Variants in CCDC40 observed in about 807,000 individuals in gnomAD.
CCDC40 encodes the protein coiled-coil domain-containing protein 40.
CCDC40 carries 104 observed loss-of-function variants against 124.5 expected under a neutral mutation model. The ratio of observed to expected loss-of-function variants is 0.84; its 90% CI spans 0.71 to 0.98. The LOEUF is 0.98. Ranked by LOEUF, CCDC40 falls within the 50% of genes least tolerant of loss-of-function variation. CCDC40 has a pLI of 0.00. For missense variants in CCDC40, 1,463 were observed against 1,503.9 expected (o/e 0.97, Z 0.45); for synonymous variants, 580 against 602.9 (o/e 0.96, Z 0.56).
At chr17:80,059,535 T>G (rs1598501845) in intron 9 of CCDC40, among the ~76,000 whole-genome samples, 3 of 145,640 alleles carry the variant, frequency 2.1e-5, no homozygotes, top group Non-Finnish European at 3.0e-5. Flanking sequence ...CATTCACGGG[T>G]GCGGGAATGA....
chr17:80,065,899 G>A (rs751576614), intron 10 of CCDC40, among the ~76,000 whole-genome samples: 1 of 152,210 alleles, frequency 6.6e-6, no homozygotes, highest in Non-Finnish European at 1.5e-5. Context: ...TCTTTGGGAG[G>A]TAAAGGTGTC....
intron 1 of CCDC40, among the ~76,000 whole-genome samples, chr17:80,037,719 A>ATATATATATC (rs2037155202): frequency 7.0e-6 from 1 of 143,142 alleles, no homozygotes; most frequent in Non-Finnish European, 1.5e-5. Context: ...ATATATATAT[A>ATATATATATC]TTCCTGTGCT....
chr17:80,071,388 G>A (rs1306799180), intron 10 of CCDC40, among the ~76,000 whole-genome samples: 3 of 152,234 alleles, frequency 2.0e-5, no homozygotes, highest in Middle Eastern at 6.8e-3. Flanking sequence ...CAGGCAGGCC[G>A]ACCCAAGGAC....
Position 80,038,118 on chromosome 17 carries a change from AC to A in CCDC40, c.30-3del. On this transcript the variant is annotated splice_polypyrimidine_tract_variant and splice_region_variant and intron_variant, in intron 1 of 19. Coordinates refer to ENST00000397545, the MANE Select transcript of CCDC40 (RefSeq NM_017950.4). ...GAAACTGTTCAATTGTTTCTCTAAA[AC>A]CAGGTCCCATCCGGAAGATGGATCG... is the stretch of plus-strand genomic sequence containing the variant. 6.2e-7 allele frequency: 1 copy of A among 1,604,436 alleles called. No individual in the cohort carries two copies. The highest frequency in any genetic ancestry group is 8.5e-7 in the Non-Finnish European group (1 of 1,171,784).
intron 19 of CCDC40, chr17:80,097,853 T>C (rs2038837742): frequency 4.9e-6 from 1 of 202,728 alleles, no homozygotes; most frequent in Non-Finnish European, 1.0e-5. Flanking sequence ...TGAGCCAAGG[T>C]TGTACCACTG....
At position 80,082,041 on chromosome 17, in the gene CCDC40, A is replaced by G; in HGVS notation, c.1972A>G (p.Lys658Glu). Residue 658 changes from lysine to glutamate, a missense_variant, in exon 12 of 20, where the codon AAG becomes GAG. Transcript: ENST00000397545. ...YFNQLILRLQ[K>E]EKTNMMTHLS... is the part of the protein sequence containing the mutation. ...CAACCAGCTCATCCTGAGGCTGCAG[A>G]AGGAGAAGACCAACATGGTAGGCCC... 6.2e-7 allele frequency: 1 copy of G among 1,613,162 alleles called. No homozygotes were observed.
chr17:80,057,368 G>A (rs973693990), intron 7 of CCDC40, among the ~76,000 whole-genome samples: 1 of 151,974 alleles, frequency 6.6e-6, no homozygotes, highest in East Asian at 2.0e-4. Flanking sequence ...GGTTACAGGC[G>A]TGAGCCACCA....
At position 80,087,385 on chromosome 17, in the gene CCDC40, C is replaced by A. The variant is rs145341292; in HGVS notation, c.2450-222C>A. On this transcript the variant is annotated intron_variant, in intron 14 of 19. Transcript: ENST00000397545. The surrounding 1 kb of genome is among the most constrained non-coding windows in gnomAD (Gnocchi z 4.5). The stretch of plus-strand genomic sequence containing the variant: ...CTCTCAGTTCCGTTGGAGGACCAGG[C>A]TTTGGGAGCTTAGCAGCCAAAAAGA... 1.7e-6 allele frequency: 1 copy of A among 589,046 alleles called. No homozygotes were observed. Among genetic ancestry groups the A allele is most frequent in the African/African-American group, 1.9e-5 (1 of 53,710 alleles). The allele number at this position is 589,046 out of a possible 1,614,324, so 36.5% of individuals were successfully genotyped here.
intron 13 of CCDC40, among the ~76,000 whole-genome samples, chr17:80,085,497 G>C (rs2038564190): frequency 6.6e-6 from 1 of 152,088 alleles, no homozygotes; most frequent in African/African-American, 2.4e-5. Flanking sequence ...GAAGCTAGAG[G>C]GGGCTCCAGA....
intron 18 of CCDC40, 47 bp downstream of exon 18, chr17:80,095,498 G>A (rs777284243): frequency 1.3e-6 from 2 of 1,582,576 alleles, no homozygotes; most frequent in Non-Finnish European, 1.7e-6. Context: ...CTCTCTCTGG[G>A]ATTCAAGGAA....
Position 80,081,705 on chromosome 17 carries a change from C to A in CCDC40, c.1722C>A (p.Thr574=), listed in dbSNP as rs201559168. The part of the protein sequence containing the change: ...LLQKLTTQCL[T]KQVALQSQFN... ...AGAAGCTCACCACCCAGTGCCTGAC[C>A]AAGCAGGTGGCCCTGCAGAGCCAGT... The change falls in exon 11 of 20, where the codon ACC becomes ACA. Residue 574 remains threonine (T), a synonymous_variant. Transcript: ENST00000397545. 627 of 1,614,186 alleles carry A rather than the reference C, an allele frequency of 3.9e-4. 2 individuals are homozygous for A. The highest frequency in any genetic ancestry group is 8.9e-5 in the Non-Finnish European group (105 of 1,180,038).
rs768173026 is a variant in CCDC40 at position 80,058,844 on chromosome 17, A to G, written c.1318-14A>G. ...GCACCTCCTGACGGGGCTGCTTCTC[A>G]TCCTGTTTCCCAGGACCTGTATGTG... On this transcript the variant is annotated splice_polypyrimidine_tract_variant and intron_variant, in intron 8 of 19. Coordinates refer to ENST00000397545, the MANE Select transcript of CCDC40 (RefSeq NM_017950.4). This position sits in a 1 kb window ranked among gnomAD's most constrained non-coding sequence, Gnocchi z 4.2. 3.8e-5 allele frequency: 62 copies of G among 1,613,966 alleles called. No individual in the cohort carries two copies. In the Middle Eastern group the frequency reaches 9.9e-4, roughly 26 times the overall value.
intron 7 of CCDC40, among the ~76,000 whole-genome samples, chr17:80,053,293 G>A (rs555998254): frequency 1.3e-5 from 2 of 152,300 alleles, no homozygotes; most frequent in South Asian, 2.1e-4. Flanking sequence ...GCTTCCAGGC[G>A]GGAAAACCCA....
intron 3 of CCDC40, 196 bp downstream of exon 3, chr17:80,040,466 G>T: frequency 1.6e-6 from 1 of 609,420 alleles, no homozygotes; most frequent in Non-Finnish European, 2.9e-6. Context: ...GTCACCTGAG[G>T]TCAGGAGTTC....
intron 7 of CCDC40, among the ~76,000 whole-genome samples, chr17:80,053,541 A>T (rs1300484629): frequency 6.6e-6 from 1 of 152,234 alleles, no homozygotes; most frequent in African/African-American, 2.4e-5. Flanking sequence ...AAATTTAAAT[A>T]GCAGGATGTC....
intron 10 of CCDC40, 47 bp downstream of exon 10, chr17:80,065,653 T>C: frequency 6.2e-7 from 1 of 1,608,706 alleles, no homozygotes; most frequent in Non-Finnish European, 8.5e-7. Context: ...ACCCCAGGGG[T>C]CCGTGGCAGG....
At chr17:80,089,965 G>A (rs2038668062) in intron 17 of CCDC40, 81 bp downstream of exon 17, 12 of 1,569,772 alleles carry the variant, frequency 7.6e-6, no homozygotes, top group African/African-American at 1.4e-5. Flanking sequence ...CCAAGGCCTC[G>A]GCTCTCCCGG....
chr17:80,056,000 A>ATTTT (rs1285051283), intron 7 of CCDC40, among the ~76,000 whole-genome samples: 427 of 7,490 alleles, frequency 0.057, 45 homozygotes, highest in Non-Finnish European at 0.11. Context: ...ATATATATAT[A>ATTTT]TATATATATA....
chr17:80,087,245 T>G lies in CCDC40; in HGVS notation c.2450-362T>G. 1 of 366,266 alleles carries G rather than the reference T, an allele frequency of 2.7e-6. No homozygotes were observed. Among genetic ancestry groups the G allele is most frequent in the Non-Finnish European group, 5.3e-6 (1 of 189,740 alleles). The allele number at this position is 366,266 out of a possible 1,614,324, so 22.7% of individuals were successfully genotyped here. ...GCCTCCCTCTCCTGGAGACTCACAG[T>G]GTCTGAGCATCAACCAGGTCCCGGT... is the stretch of plus-strand genomic sequence containing the variant. On this transcript the variant is annotated intron_variant, in intron 14 of 19. Coordinates refer to ENST00000397545, the MANE Select transcript of CCDC40 (RefSeq NM_017950.4). This position sits in a 1 kb window ranked among gnomAD's most constrained non-coding sequence, Gnocchi z 4.5.
Sources: gnomAD v4.1 joint callset for allele counts (sites outside exome capture counted in the v4.1 genomes callset) on GRCh38, gnomAD v4.1.1 for gene constraint, Gnocchi (gnomAD v3.1) non-coding constraint, MANE v1.5 for transcripts, NCBI Gene and HGNC (gene_info 2026-07-23, HGNC 2026-07-21) for gene names.